Variants in CNTN5 observed in about 807,000 individuals in gnomAD.
The protein encoded by CNTN5 is contactin 5, also known as contactin-5.
In CNTN5, 77 loss-of-function variants were observed where a neutral mutation model predicts 129.1. The observed-to-expected ratio is 0.60, with a 90% CI of 0.50 to 0.72. The LOEUF (loss-of-function observed/expected upper bound fraction) is 0.72. Ranked by LOEUF, CNTN5 falls within the 30% of genes least tolerant of loss-of-function variation. The pLI is 0.00. For missense variants in CNTN5, 1,478 were observed against 1,328.8 expected, an observed-to-expected ratio of 1.11 and a Z score of -1.75; for synonymous variants, 509 against 465.6, an observed-to-expected ratio of 1.09 and a Z score of -1.20.
At chr11:99,915,915 G>T (rs1341933918) in intron 6 of CNTN5, 139 bp from the exon 7 acceptor site, 6 of 646,864 alleles carry the variant, frequency 9.3e-6, no homozygotes, top group Non-Finnish European at 1.7e-5. Context: ...GTAGATATAT[G>T]TTAAAGCCTT....
At chr11:99,931,430 G>GT (rs889228892) in intron 7 of CNTN5, among the ~76,000 whole-genome samples, 44 of 151,858 alleles carry the variant, frequency 2.9e-4, no homozygotes, top group Admixed American at 1.6e-3. Context: ...AATAACCTTG[G>GT]TTTTTTTTAC....
intron 3 of CNTN5, among the ~76,000 whole-genome samples, chr11:99,571,860 T>G (rs1949185270): frequency 6.6e-6 from 1 of 152,198 alleles, no homozygotes; most frequent in Non-Finnish European, 1.5e-5. Flanking sequence ...CCTTTGTATA[T>G]TCTCTAATAA....
chr11:99,097,577 A>G (rs1239547680), intron 1 of CNTN5, among the ~76,000 whole-genome samples: 2 of 151,950 alleles, frequency 1.3e-5, no homozygotes, highest in South Asian at 4.1e-4. Context: ...ATTTCTTCAT[A>G]TTTTGAGTTA....
At chr11:99,529,334 T>C (rs1277164319) in intron 2 of CNTN5, among the ~76,000 whole-genome samples, 2 of 152,188 alleles carry the variant, frequency 1.3e-5, no homozygotes, top group South Asian at 2.1e-4. Flanking sequence ...AGTTGACACC[T>C]AAAACTAAGT....
At chr11:99,042,362 CTTCTTTT>C (rs1347872818) in intron 1 of CNTN5, among the ~76,000 whole-genome samples, 5 of 120,786 alleles carry the variant, frequency 4.1e-5, no homozygotes, top group African/African-American at 1.6e-4. Context: ...CCTTCTTCTT[CTTCTTTT>C]TTTTTTTTTT....
chr11:99,112,357 G>C (rs554980198), intron 1 of CNTN5, among the ~76,000 whole-genome samples: 1 of 152,002 alleles, frequency 6.6e-6, no homozygotes, highest in East Asian at 1.9e-4. Flanking sequence ...TCTGAAATAC[G>C]CTTTTTCCTA....
At chr11:99,598,847 T>C (rs184249972) in intron 3 of CNTN5, among the ~76,000 whole-genome samples, 38 of 152,176 alleles carry the variant, frequency 2.5e-4, no homozygotes, top group Admixed American at 1.6e-3. Flanking sequence ...AAAAACACCA[T>C]TTTTCCTGAC....
chr11:100,025,914 T>C (rs1265540817), intron 9 of CNTN5, among the ~76,000 whole-genome samples: 1 of 152,200 alleles, frequency 6.6e-6, no homozygotes, highest in Non-Finnish European at 1.5e-5. Flanking sequence ...GATGAGACTT[T>C]GGACTTGGAC....
At chr11:100,095,580 TA>T in intron 13 of CNTN5, among the ~76,000 whole-genome samples, 1 of 152,054 alleles carries the variant, frequency 6.6e-6, no homozygotes, top group East Asian at 1.9e-4. Flanking sequence ...TGTCTCTCTG[TA>T]AAAAATTGAT....
chr11:99,117,633 C>T (rs1358610891), intron 1 of CNTN5, among the ~76,000 whole-genome samples: 1 of 151,974 alleles, frequency 6.6e-6, no homozygotes, highest in Non-Finnish European at 1.5e-5. Flanking sequence ...GCCCTAACAC[C>T]CAATGTATTG....
At chr11:99,919,896 T>C (rs1304655495) in intron 7 of CNTN5, among the ~76,000 whole-genome samples, 6 of 151,968 alleles carry the variant, frequency 3.9e-5, no homozygotes, top group Non-Finnish European at 5.9e-5. Context: ...GCTTAAGTGA[T>C]CCGCTCACCT....
chr11:100,040,396 A>C (rs1254327935), intron 9 of CNTN5, among the ~76,000 whole-genome samples: 1 of 152,174 alleles, frequency 6.6e-6, no homozygotes, highest in Non-Finnish European at 1.5e-5. Flanking sequence ...GGTGCCTCCC[A>C]GTTAGGCTAC....
intron 13 of CNTN5, among the ~76,000 whole-genome samples, chr11:100,079,118 C>A (rs1944261303): frequency 6.6e-6 from 1 of 152,134 alleles, no homozygotes; most frequent in Admixed American, 6.6e-5. Context: ...CGGAATACCA[C>A]TCCCGTGATT....
chr11:99,250,600 T>G (rs1279381495), intron 1 of CNTN5, among the ~76,000 whole-genome samples: 1 of 151,948 alleles, frequency 6.6e-6, no homozygotes, highest in Admixed American at 6.6e-5. Context: ...ACTTAAATTC[T>G]GATGTACTTG....
intron 2 of CNTN5, among the ~76,000 whole-genome samples, chr11:99,539,007 A>G (rs936404226): frequency 2.0e-5 from 3 of 152,054 alleles, no homozygotes; most frequent in African/African-American, 4.8e-5. Flanking sequence ...AGGGTATCAC[A>G]ATGCCATTTT....
intron 2 of CNTN5, among the ~76,000 whole-genome samples, chr11:99,542,372 A>G (rs147915335): frequency 2.0e-5 from 3 of 152,264 alleles, no homozygotes; most frequent in East Asian, 1.9e-4. Context: ...CACTACTTCT[A>G]TGATTTTAAC....
chr11:99,986,616 A>G (rs1249953863), intron 8 of CNTN5, among the ~76,000 whole-genome samples: 1 of 152,188 alleles, frequency 6.6e-6, no homozygotes, highest in Non-Finnish European at 1.5e-5. Flanking sequence ...AATATTTATT[A>G]TACTGAAATT....
chr11:99,382,188 T>A (rs1189317849), intron 2 of CNTN5, among the ~76,000 whole-genome samples: 1 of 152,144 alleles, frequency 6.6e-6, no homozygotes, highest in African/African-American at 2.4e-5. Flanking sequence ...GATAATAGCA[T>A]CCTTCCAGAA....
intron 3 of CNTN5, among the ~76,000 whole-genome samples, chr11:99,768,287 T>C (rs1366047410): frequency 6.6e-6 from 1 of 152,152 alleles, no homozygotes; most frequent in African/African-American, 2.4e-5. Context: ...ACAAATATGC[T>C]TTTTTCTGAA....
Sources: allele counts gnomAD v4.1 joint callset (sites outside exome capture counted in the v4.1 genomes callset), GRCh38; gene constraint gnomAD v4.1.1; transcripts MANE v1.5; gene names NCBI Gene and HGNC (gene_info 2026-07-23, HGNC 2026-07-21).